Variants in ARNT2 observed in about 807,000 individuals in gnomAD.
The protein encoded by ARNT2 is aryl hydrocarbon receptor nuclear translocator 2.
Under a neutral mutation model 91.7 loss-of-function variants are expected in ARNT2, and 36 were observed. The observed-to-expected ratio is 0.39, with a 90% CI of 0.30 to 0.52. ARNT2 has a LOEUF of 0.52. ARNT2 is among the 20% of genes least tolerant of loss of function. The pLI, the probability that ARNT2 is intolerant of heterozygous loss-of-function variation, is 0.72. For synonymous variants in ARNT2, 365 were observed against 347.1 expected, an observed-to-expected ratio of 1.05 and a Z score of -0.57; for missense variants, 775 against 939.3, an observed-to-expected ratio of 0.83 and a Z score of 2.29.
chr15:80,534,489 C>T (rs1897789427), intron 8 of ARNT2, among the ~76,000 whole-genome samples: 1 of 152,210 alleles, frequency 6.6e-6, no homozygotes, highest in Middle Eastern at 3.4e-3. Flanking sequence ...CTAGTCCAAC[C>T]CCTAAAAACC....
intron 12 of ARNT2, among the ~76,000 whole-genome samples, chr15:80,569,295 C>T (rs1163760011): frequency 6.6e-6 from 1 of 152,218 alleles, no homozygotes; most frequent in Non-Finnish European, 1.5e-5. Flanking sequence ...TCACTTTCTA[C>T]TCCTCAGCCG....
chr15:80,580,374 T>C (rs778066159), intron 15 of ARNT2, 37 bp from the exon 16 acceptor site: 2 of 1,612,598 alleles, frequency 1.2e-6, no homozygotes, highest in Non-Finnish European at 8.5e-7. Flanking sequence ...GCAAACCAGG[T>C]GTGTCCTCGG....
Position 80,404,815 on chromosome 15 carries a change from G to A in ARNT2, c.31+269G>A, listed in dbSNP as rs1000863793. Among the ~76,000 whole-genome samples, 1 of 152,186 alleles carries A rather than the reference G, an allele frequency of 6.6e-6. No individual in the cohort carries two copies. The highest frequency in any genetic ancestry group is 6.5e-5 in the Admixed American group (1 of 15,290). Reference sequence around the variant, plus strand: ...CCTCGCATCCTCGGGAACCCGAAGGGCAGGCCCGGGAGCCCCCGAAGTTCT... The same window carrying A: ...CCTCGCATCCTCGGGAACCCGAAGGACAGGCCCGGGAGCCCCCGAAGTTCT... On this transcript the variant is annotated intron_variant, in intron 1 of 18. Coordinates refer to ENST00000303329, the MANE Select transcript of ARNT2 (RefSeq NM_014862.4). The surrounding 1 kb of genome is among the most constrained non-coding windows in gnomAD (Gnocchi z 5.5).
intron 17 of ARNT2, among the ~76,000 whole-genome samples, chr15:80,588,443 C>T (rs926727178): frequency 2.6e-4 from 40 of 152,088 alleles, no homozygotes; most frequent in Non-Finnish European, 2.1e-4. Context: ...TGTCCACCCA[C>T]CCATGGACCA....
At chr15:80,568,992 CTGATCG>C (rs1898536018) in intron 12 of ARNT2, among the ~76,000 whole-genome samples, 1 of 152,244 alleles carries the variant, frequency 6.6e-6, no homozygotes, top group South Asian at 2.1e-4. Context: ...GCTCCCTGCC[CTGATCG>C]AATCAATTCC....
In ARNT2 at chr15:80,521,627, A is replaced by C. The variant is rs540695357; in HGVS notation, c.877+7222A>C. Among the ~76,000 whole-genome samples, 47 of 151,980 alleles carry C rather than the reference A, an allele frequency of 3.1e-4. 1 individual carries two copies. The highest frequency in any genetic ancestry group is 1.0e-3 in the African/African-American group (43 of 41,264). ...ATGTCATTGCAGTCCATATAAATAA[A>C]TACTTTAATACACAAGAACACAAAG... On this transcript the variant is annotated intron_variant, in intron 8 of 18. Coordinates refer to ENST00000303329, the MANE Select transcript of ARNT2 (RefSeq NM_014862.4).
rs144073508 is a variant in ARNT2, at chr15:80,571,443, G to A, written c.1317-2705G>A. Among the ~76,000 whole-genome samples, 569 of 152,290 alleles carry A rather than the reference G, an allele frequency of 3.7e-3. 2 individuals carry two copies. Among genetic ancestry groups the A allele is most frequent in the Non-Finnish European group, 6.4e-3 (435 of 68,020 alleles). Reference sequence around the variant, plus strand: ...CTTGCTCAGTCTTCACCACTTACCAGCCTGGTGATTGTGTTTCTACCACAC... The same window carrying A: ...CTTGCTCAGTCTTCACCACTTACCAACCTGGTGATTGTGTTTCTACCACAC... On this transcript the variant is annotated intron_variant, in intron 12 of 18. Transcript: ENST00000303329.
chr15:80,524,879 A>C (rs1897615554), intron 8 of ARNT2, among the ~76,000 whole-genome samples: 1 of 152,058 alleles, frequency 6.6e-6, no homozygotes, highest in African/African-American at 2.4e-5. Context: ...TGTCTCAAAA[A>C]AAAAAAAAAA....
intron 4 of ARNT2, 34 bp downstream of exon 4, chr15:80,470,465 G>A (rs770324895): frequency 6.2e-7 from 1 of 1,603,284 alleles, no homozygotes; most frequent in South Asian, 1.1e-5. Context: ...TTGGAAAGCG[G>A]GGGGAATCCC....
rs956785935 is a variant in ARNT2, at chr15:80,593,775, C to A, written c.*77C>A. ...CGATGCCCATGTGAATGAGGCCCAC[C>A]CTCGCCCTGCTTGCCCTGCCGCAGG... On this transcript the variant is annotated 3_prime_UTR_variant, in exon 19 of 19. Transcript: ENST00000303329. 7.3e-7 allele frequency: 1 copy of A among 1,363,242 alleles called. No homozygotes were observed. The highest frequency in any genetic ancestry group is 1.3e-5 in the South Asian group (1 of 78,060). The allele number at this position is 1,363,242 out of a possible 1,614,324, so 84.4% of individuals were successfully genotyped here.
Position 80,595,531 on chromosome 15 carries a change from G to A in ARNT2, c.*1833G>A, listed in dbSNP as rs2141492499. Reference sequence around the variant, plus strand: ...GCCCTGTCTGGCCAGGGAGATCCATGTGCTCAATGTTGCTGGGGGACCTAC... The same window carrying A: ...GCCCTGTCTGGCCAGGGAGATCCATATGCTCAATGTTGCTGGGGGACCTAC... On this transcript the variant is annotated 3_prime_UTR_variant, in exon 19 of 19. Transcript: ENST00000303329. 6.6e-6 allele frequency: 1 copy of A among 152,406 alleles called. No homozygotes were observed. Among genetic ancestry groups the A allele is most frequent in the Middle Eastern group, 3.4e-3 (1 of 294 alleles). 9.4% of individuals were successfully genotyped at this position (152,406 alleles called of 1,614,324 possible). A position where few individuals can be genotyped will look rare whatever the true frequency, so the allele number is the denominator to read the frequency against.
chr15:80,459,746 T>C (rs546353563), intron 3 of ARNT2, among the ~76,000 whole-genome samples: 2 of 152,358 alleles, frequency 1.3e-5, no homozygotes, highest in African/African-American at 4.8e-5. Flanking sequence ...ACAGTCAAGG[T>C]TCAAACCCAG....
chr15:80,444,169 G>A (rs1231053046), intron 1 of ARNT2: 1 of 152,702 alleles, frequency 6.5e-6, no homozygotes. Context: ...CTGGAAACAA[G>A]AGGGGATGGA....
At chr15:80,574,046 A>G (rs2141475897) in intron 12 of ARNT2, 102 bp from the exon 13 acceptor site, 1 of 882,264 alleles carries the variant, frequency 1.1e-6, no homozygotes, top group Non-Finnish European at 1.9e-6. Context: ...GATCCATCGG[A>G]TATCACCCAC....
intron 5 of ARNT2, among the ~76,000 whole-genome samples, chr15:80,496,584 C>T (rs1162897232): frequency 6.6e-6 from 1 of 152,218 alleles, no homozygotes; most frequent in Non-Finnish European, 1.5e-5. Context: ...CAGCCTTTCC[C>T]TGCCTGGATA....
chr15:80,552,673 G>A lies in ARNT2; in HGVS notation c.988G>A (p.Gly330Arg). ...CTCTCCTGTATGCATGGACATGAAT[G>A]GGATGTCGGTGCCCACAGAGTTCTT... ...TSSPVCMDMN[G>R]MSVPTEFLSR... The change falls in exon 10 of 19, where the codon GGG (glycine) becomes AGG (arginine). Residue 330 changes from glycine (G) to arginine (R), a missense_variant. By Grantham distance (125) the Gly-to-Arg change is moderately radical (BLOSUM62 -2). This residue lies in a region of ARNT2 where 285 missense variants were observed against 327.2 expected (regional missense o/e 0.87). Coordinates refer to ENST00000303329, the MANE Select transcript of ARNT2 (RefSeq NM_014862.4). 6.2e-7 allele frequency: 1 copy of A among 1,614,070 alleles called. No homozygotes were observed. The highest frequency in any genetic ancestry group is 8.5e-7 in the Non-Finnish European group (1 of 1,179,948).
intron 10 of ARNT2, among the ~76,000 whole-genome samples, chr15:80,553,968 A>G (rs1200352826): frequency 1.3e-5 from 2 of 152,154 alleles, no homozygotes; most frequent in Non-Finnish European, 1.5e-5. Flanking sequence ...AGCCAGACCC[A>G]TTTATCTAGT....
intron 5 of ARNT2, among the ~76,000 whole-genome samples, chr15:80,498,575 C>T (rs1897150483): frequency 6.6e-6 from 1 of 152,186 alleles, no homozygotes; most frequent in Non-Finnish European, 1.5e-5. Context: ...CATTAGGGGA[C>T]CTGTACCTCC....
chr15:80,489,380 C>T lies in ARNT2; in HGVS notation c.622+14157C>T, dbSNP rs549689021. ...TGTAGATTCTTTTCTTCTACTCCAA[C>T]GCAAAGCCTCCCTGGACAGTCATTT... is the stretch of plus-strand genomic sequence containing the variant. On this transcript the variant is annotated intron_variant, in intron 5 of 18. Transcript: ENST00000303329. 6.9e-4 allele frequency among the ~76,000 whole-genome samples: 105 copies of T among 152,324 alleles called. No individual in the cohort carries two copies. In the South Asian group the frequency reaches 0.013, roughly 20 times the overall value.
Sources: gnomAD v4.1 joint callset for allele counts (sites outside exome capture counted in the v4.1 genomes callset) on GRCh38, gnomAD v4.1.1 for gene constraint, gnomAD v4.1.1 regional missense constraint, Gnocchi (gnomAD v3.1) non-coding constraint, MANE v1.5 for transcripts, NCBI Gene and HGNC (gene_info 2026-07-23, HGNC 2026-07-21) for gene names.